NEGR1: variants seen among roughly 807,000 people sequenced by gnomAD.
NEGR1 encodes IgLON family member 4.
A neutral mutation model predicts 40.9 loss-of-function variants in NEGR1; 10 were observed. The observed-to-expected ratio is 0.24, with a 90% CI of 0.15 to 0.42. The LOEUF is 0.42. Ranked by LOEUF, NEGR1 falls within the 10% of genes least tolerant of loss-of-function variation. The pLI, the probability that NEGR1 is intolerant of heterozygous loss-of-function variation, is 1.00. For missense variants in NEGR1, 352 were observed against 438.9 expected (o/e 0.80, Z 1.77); for synonymous variants, 185 against 166.8 (o/e 1.11, Z -0.84).
chr1:72,064,116 T>A (rs1340900090), intron 1 of NEGR1, among the ~76,000 whole-genome samples: 3 of 151,830 alleles, frequency 2.0e-5, no homozygotes, highest in African/African-American at 7.3e-5. Flanking sequence ...CTCAGAATCA[T>A]ACTGGCCAGA....
chr1:71,556,512 C>T (rs1648256066), intron 6 of NEGR1, among the ~76,000 whole-genome samples: 3 of 151,474 alleles, frequency 2.0e-5, no homozygotes. Context: ...TGTATATATC[C>T]TGGTGCACAC....
chr1:71,564,455 A>G (rs754231604), intron 6 of NEGR1, among the ~76,000 whole-genome samples: 4 of 152,040 alleles, frequency 2.6e-5, no homozygotes, highest in African/African-American at 4.8e-5. Flanking sequence ...TTATTTTTGT[A>G]CCCACAAAAG....
At chr1:72,282,283 C>A (rs1482506114) in intron 1 of NEGR1, 36 bp downstream of exon 1, 1 of 1,610,458 alleles carries the variant, frequency 6.2e-7, no homozygotes, top group South Asian at 1.1e-5. Context: ...GAAAGATAGA[C>A]CGAAACAAGT....
intron 2 of NEGR1, among the ~76,000 whole-genome samples, chr1:71,906,267 G>C (rs1260066861): frequency 1.3e-5 from 2 of 152,016 alleles, no homozygotes; most frequent in Non-Finnish European, 2.9e-5. Flanking sequence ...AGGGACAAAA[G>C]ATTGCACATT....
chr1:71,490,981 C>T (rs1294152124), intron 6 of NEGR1, among the ~76,000 whole-genome samples: 1 of 151,910 alleles, frequency 6.6e-6, no homozygotes. Context: ...ATACACATAG[C>T]AAGTATTTCA....
intron 1 of NEGR1, chr1:72,274,700 T>C (rs992639880): frequency 4.0e-6 from 4 of 997,788 alleles, no homozygotes; most frequent in Admixed American, 3.4e-5. Context: ...ATTGAAGAAA[T>C]CATTGTGCAG....
chr1:71,811,656 G>T (rs1040252483), intron 2 of NEGR1, among the ~76,000 whole-genome samples: 7 of 150,532 alleles, frequency 4.7e-5, no homozygotes. Flanking sequence ...CTCTAGACAT[G>T]TAAAGCAACT....
In NEGR1 at chr1:71,537,710, G is replaced by T. The variant is rs542722741; in HGVS notation, c.940+55107C>A. 5.3e-5 allele frequency among the ~76,000 whole-genome samples: 8 copies of T among 151,848 alleles called. No individual in the cohort carries two copies. In the East Asian group the frequency reaches 1.6e-3, roughly 30 times the overall value. On this transcript the variant is annotated intron_variant, in intron 6 of 6. Coordinates refer to ENST00000357731, the MANE Select transcript of NEGR1 (RefSeq NM_173808.3). ...AATTACACAATTAAATAAGCATCAT[G>T]AACTTGTAAACCCTTATTCTGTTAA...
At chr1:72,110,809 T>C (rs934488360) in intron 1 of NEGR1, among the ~76,000 whole-genome samples, 3 of 151,644 alleles carry the variant, frequency 2.0e-5, no homozygotes, top group African/African-American at 7.2e-5. Flanking sequence ...CATTTTTACA[T>C]GTAAATATAA....
intron 1 of NEGR1, among the ~76,000 whole-genome samples, chr1:72,161,676 C>CTTTTTTTTT (rs779074685): frequency 1.7e-3 from 146 of 84,540 alleles, no homozygotes; most frequent in Middle Eastern, 8.2e-3. Context: ...TTCTTTCTTT[C>CTTTTTTTTT]TTTTTTTTTT....
chr1:72,266,788 A>T (rs1655659770), intron 1 of NEGR1, among the ~76,000 whole-genome samples: 1 of 150,048 alleles, frequency 6.7e-6, no homozygotes, highest in Non-Finnish European at 1.5e-5. Context: ...AGAAAAAAAC[A>T]CCATTGAGCT....
At chr1:71,699,844 T>C (rs1205831909) in intron 3 of NEGR1, among the ~76,000 whole-genome samples, 2 of 152,004 alleles carry the variant, frequency 1.3e-5, no homozygotes, top group East Asian at 3.9e-4. Flanking sequence ...AGTCTCATAA[T>C]AGTGAATAAG....
In NEGR1 at chr1:71,931,025, G is replaced by A. The variant is rs748064287; in HGVS notation, c.409+4054C>T. On this transcript the variant is annotated intron_variant, in intron 2 of 6. Coordinates refer to ENST00000357731, the MANE Select transcript of NEGR1 (RefSeq NM_173808.3). ...GCTGAGGCTATCCTCAAAAGGGCCC[G>A]GAATGTTGTCTTCTAACTACACTCC... Among the ~76,000 whole-genome samples, 13 of 152,176 alleles carry A rather than the reference G, an allele frequency of 8.5e-5. No homozygotes were observed. The East Asian group carries it at 9.7e-4, about 11-fold the overall frequency.
chr1:71,402,677 T>G lies in NEGR1; in HGVS notation c.*4769A>C. The G allele has an allele frequency of 6.6e-6, 1 of 152,164 alleles. No individual in the cohort carries two copies. The highest frequency in any genetic ancestry group is 1.9e-4 in the East Asian group (1 of 5,198). The allele number at this position is 152,164 out of a possible 1,614,324, so 9.4% of individuals were successfully genotyped here. A position where few individuals can be genotyped will look rare whatever the true frequency, so the allele number is the denominator to read the frequency against. ...GACGGGTGTTTGGATCAAATTCCAC[T>G]AACTTGAATGAATTACCTTGGAAAA... On this transcript the variant is annotated 3_prime_UTR_variant, in exon 7 of 7. Coordinates refer to ENST00000357731, the MANE Select transcript of NEGR1 (RefSeq NM_173808.3).
chr1:72,255,547 CTTT>C (rs35452808), intron 1 of NEGR1, among the ~76,000 whole-genome samples: 5 of 125,348 alleles, frequency 4.0e-5, no homozygotes, highest in African/African-American at 8.4e-5. Flanking sequence ...AAAAATACTT[CTTT>C]TTTTTTTTTT....
chr1:72,282,177 C>T, intron 1 of NEGR1, 142 bp downstream of exon 1: 1 of 1,009,192 alleles, frequency 9.9e-7, no homozygotes, highest in Non-Finnish European at 1.4e-6. Context: ...GAAGAATCTG[C>T]ACCTGGAATT....
chr1:71,678,705 T>C (rs952130378), intron 4 of NEGR1, among the ~76,000 whole-genome samples: 4 of 152,148 alleles, frequency 2.6e-5, no homozygotes, highest in African/African-American at 9.7e-5. Context: ...CAGTTACTTG[T>C]TGGTTACTAG....
At chr1:71,686,685 C>T (rs553625270) in intron 4 of NEGR1, among the ~76,000 whole-genome samples, 9 of 152,186 alleles carry the variant, frequency 5.9e-5, no homozygotes, top group South Asian at 2.1e-4. Flanking sequence ...AAACAGTATT[C>T]GATAAATTAC....
chr1:71,466,601 T>A (rs1646747850), intron 6 of NEGR1, among the ~76,000 whole-genome samples: 1 of 151,950 alleles, frequency 6.6e-6, no homozygotes, highest in Non-Finnish European at 1.5e-5. Context: ...CGTTGAGAAG[T>A]CATGATTGAC....
Sources: gnomAD v4.1 joint callset for allele counts (sites outside exome capture counted in the v4.1 genomes callset) on GRCh38, gnomAD v4.1.1 for gene constraint, MANE v1.5 for transcripts, NCBI Gene and HGNC (gene_info 2026-07-23, HGNC 2026-07-21) for gene names.